ST7: variants seen among roughly 807,000 people sequenced by gnomAD.
The protein encoded by ST7 is suppression of tumorigenicity 7.
In ST7, 28 loss-of-function variants were observed where a neutral mutation model predicts 78.7. That is an observed-to-expected ratio of 0.36 (90% CI 0.26 to 0.49). ST7 has a LOEUF of 0.49. Among genes scored for constraint, ST7 ranks in the 20% least tolerant of loss-of-function variants. The pLI is 0.99. For synonymous variants in ST7, 247 were observed against 249.6 expected, an observed-to-expected ratio of 0.99 and a Z score of 0.10; for missense variants, 418 against 696.0, an observed-to-expected ratio of 0.60 and a Z score of 4.49.
intron 15 of ST7, among the ~76,000 whole-genome samples, chr7:117,227,172 G>C (rs1017796280): frequency 6.6e-6 from 1 of 152,164 alleles, no homozygotes; most frequent in Non-Finnish European, 1.5e-5. Flanking sequence ...GGCTCCCCGA[G>C]GACCCCACAT....
chr7:117,018,303 T>C (rs907096696), intron 1 of ST7, among the ~76,000 whole-genome samples: 3 of 152,230 alleles, frequency 2.0e-5, no homozygotes, highest in African/African-American at 7.2e-5. Flanking sequence ...ATTCTGGCTT[T>C]AAGGTTCCAC....
intron 1 of ST7, among the ~76,000 whole-genome samples, chr7:116,994,008 A>G (rs965007279): frequency 1.3e-5 from 2 of 152,220 alleles, no homozygotes; most frequent in African/African-American, 2.4e-5. Flanking sequence ...GCTAAAATAT[A>G]TCATATCATT....
chr7:117,026,446 T>C (rs1796186112), intron 1 of ST7, among the ~76,000 whole-genome samples: 1 of 152,222 alleles, frequency 6.6e-6, no homozygotes, highest in Non-Finnish European at 1.5e-5. Context: ...ACAAATGCTA[T>C]ATTATTTAAA....
intron 2 of ST7, among the ~76,000 whole-genome samples, chr7:117,110,180 T>C (rs1333810780): frequency 6.6e-6 from 1 of 152,244 alleles, no homozygotes; most frequent in Non-Finnish European, 1.5e-5. Context: ...ACATTTACAA[T>C]AGTATTTTAA....
chr7:117,208,514 A>G (rs1791981701), intron 12 of ST7, among the ~76,000 whole-genome samples: 1 of 152,166 alleles, frequency 6.6e-6, no homozygotes, highest in African/African-American at 2.4e-5. Context: ...TGCTGAGCCA[A>G]GATGCCTGCA....
chr7:117,020,045 T>A (rs1388077798), intron 1 of ST7: 1 of 152,322 alleles, frequency 6.6e-6, no homozygotes, highest in Non-Finnish European at 1.5e-5. Flanking sequence ...GATGAAGAGC[T>A]GCGCAGGAGG....
intron 2 of ST7, 75 bp downstream of exon 2, chr7:117,099,919 A>C: frequency 8.4e-7 from 1 of 1,195,600 alleles, no homozygotes. Context: ...ACAGTAAAAA[A>C]CTCTGGAAGA....
chr7:117,132,699 G>A (rs898557305), intron 6 of ST7, among the ~76,000 whole-genome samples: 3 of 151,396 alleles, frequency 2.0e-5, no homozygotes, highest in African/African-American at 7.3e-5. Flanking sequence ...AAAGATTGTC[G>A]TGAGAGTTGA....
At chr7:117,085,982 GC>G (rs1354265030) in intron 1 of ST7, among the ~76,000 whole-genome samples, 20 of 152,122 alleles carry the variant, frequency 1.3e-4, no homozygotes, top group Admixed American at 5.9e-4. Flanking sequence ...TTTAAGCCTA[GC>G]TAGTAATCAA....
intron 12 of ST7, chr7:117,191,820 T>G (rs1809811173): frequency 6.6e-6 from 1 of 151,878 alleles, no homozygotes; most frequent in Admixed American, 6.6e-5. Context: ...TGGTGAAAAA[T>G]GACAAAGGAA....
intron 10 of ST7, among the ~76,000 whole-genome samples, chr7:117,177,523 G>C (rs950415215): frequency 6.6e-6 from 1 of 152,220 alleles, no homozygotes; most frequent in African/African-American, 2.4e-5. Context: ...CTCTGACACA[G>C]ACCTTCTGGG....
At chr7:117,163,052 C>T (rs1159289666) in intron 9 of ST7, among the ~76,000 whole-genome samples, 5 of 152,148 alleles carry the variant, frequency 3.3e-5, no homozygotes, top group African/African-American at 9.7e-5. Context: ...TGGCTTATTT[C>T]GCTTAACATA....
intron 1 of ST7, among the ~76,000 whole-genome samples, chr7:116,997,423 G>A (rs534254441): frequency 4.6e-5 from 7 of 152,144 alleles, no homozygotes; most frequent in Admixed American, 1.3e-4. Flanking sequence ...TGATTGGTGC[G>A]TTTACAATCC....
At chr7:117,117,799 GT>G (rs1471191984) in intron 2 of ST7, 1 of 152,152 alleles carries the variant, frequency 6.6e-6, no homozygotes, top group African/African-American at 2.4e-5. Flanking sequence ...CGACTTAGGT[GT>G]TTTACATGGG....
At chr7:117,124,927 A>C (rs1196276068) in intron 3 of ST7, among the ~76,000 whole-genome samples, 1 of 152,092 alleles carries the variant, frequency 6.6e-6, no homozygotes, top group Non-Finnish European at 1.5e-5. Context: ...GGGCTTACTC[A>C]CTAGCTGAGT....
chr7:117,114,931 G>A (rs73714384), intron 2 of ST7, among the ~76,000 whole-genome samples: 4,073 of 152,216 alleles, frequency 0.027, 163 homozygotes, highest in African/African-American at 0.093. Context: ...GGAAACCTGG[G>A]TCTCTGCCCC....
At chr7:116,972,424 A>G (rs1793472741) in intron 1 of ST7, 2 of 718,218 alleles carry the variant, frequency 2.8e-6, no homozygotes, top group African/African-American at 3.5e-5. Context: ...CTGGTCCATC[A>G]GTCTGATCTG....
At chr7:117,034,076 G>A (rs930443922) in intron 1 of ST7, among the ~76,000 whole-genome samples, 2 of 152,086 alleles carry the variant, frequency 1.3e-5, no homozygotes, top group Admixed American at 6.5e-5. Flanking sequence ...CAAGTAGATA[G>A]GACCACAGGT....
chr7:117,049,118 A>G (rs1185869731), intron 1 of ST7, among the ~76,000 whole-genome samples: 1 of 152,134 alleles, frequency 6.6e-6, no homozygotes, highest in African/African-American at 2.4e-5. Context: ...TTTTCCCTTC[A>G]GGGCTTGGGC....
Sources: allele counts gnomAD v4.1 joint callset (sites outside exome capture counted in the v4.1 genomes callset), GRCh38; gene constraint gnomAD v4.1.1; transcripts MANE v1.5; gene names NCBI Gene and HGNC (gene_info 2026-07-23, HGNC 2026-07-21).